PRSS8: variants seen among roughly 807,000 people sequenced by gnomAD.
PRSS8 encodes prostasin.
In PRSS8, 11 loss-of-function variants were observed where a neutral mutation model predicts 26.7. That is an observed-to-expected ratio of 0.41 (90% CI 0.26 to 0.68). The LOEUF (loss-of-function observed/expected upper bound fraction) is 0.68. Ranked by LOEUF, PRSS8 falls within the 30% of genes least tolerant of loss-of-function variation. The pLI is 0.30. For synonymous variants in PRSS8, 183 were observed against 187.0 expected, an observed-to-expected ratio of 0.98 and a Z score of 0.17; for missense variants, 362 against 443.5, an observed-to-expected ratio of 0.82 and a Z score of 1.65.
At chr16:31,135,226 C>CCTA (rs2057599485) in intron 1 of PRSS8, 55 bp from the exon 2 acceptor site, 2 of 1,610,620 alleles carry the variant, frequency 1.2e-6, no homozygotes, top group African/African-American at 1.3e-5. Flanking sequence ...GTTCCCTGAC[C>CCTA]CCTTAGTACC....
Position 31,131,956 on chromosome 16 carries a change from G to T in PRSS8, c.*53C>A. 1 of 1,475,562 alleles carries T rather than the reference G, an allele frequency of 6.8e-7. No homozygotes were observed. Among genetic ancestry groups the T allele is most frequent in the South Asian group, 1.4e-5 (1 of 72,576 alleles). The allele number at this position is 1,475,562 out of a possible 1,614,324, so 91.4% of individuals were successfully genotyped here. A position where few individuals can be genotyped will look rare whatever the true frequency, so the allele number is the denominator to read the frequency against. On this transcript the variant is annotated 3_prime_UTR_variant, in exon 6 of 6. Coordinates refer to ENST00000317508, the MANE Select transcript of PRSS8 (RefSeq NM_002773.5). Reference sequence around the variant, plus strand: ...CTGGGTCCAAAGGCCATCAGGGAAGGACCAGGCTCCTGTCCTTGAGTGTGA... The same window carrying T: ...CTGGGTCCAAAGGCCATCAGGGAAGTACCAGGCTCCTGTCCTTGAGTGTGA...
At position 31,131,639 on chromosome 16, in the gene PRSS8, G is replaced by A. The variant is rs183961459; in HGVS notation, c.*370C>T. 4.7e-6 allele frequency: 2 copies of A among 423,510 alleles called. No homozygotes were observed. The allele number at this position is 423,510 out of a possible 1,614,324, so 26.2% of individuals were successfully genotyped here. On this transcript the variant is annotated 3_prime_UTR_variant, in exon 6 of 6. Transcript: ENST00000317508. ...GCCCAGAACACAGGGAGAGGGCAGA[G>A]AGATGTGCTCATCAGTCTGGGCAGG... is the stretch of plus-strand genomic sequence containing the variant.
At chr16:31,134,731 C>T (rs956992339) in intron 2 of PRSS8, 2 of 215,024 alleles carry the variant, frequency 9.3e-6, no homozygotes, top group Non-Finnish European at 1.9e-5. Flanking sequence ...ATGGCATGCA[C>T]CTGTAGTCCC....
intron 1 of PRSS8, 48 bp from the exon 2 acceptor site, chr16:31,135,219 C>T: frequency 1.2e-6 from 2 of 1,611,950 alleles, no homozygotes; most frequent in Non-Finnish European, 1.7e-6. Flanking sequence ...GACTCGGGTT[C>T]CCTGACCCCT....
rs780066709 is a variant in PRSS8 at position 31,132,476 on chromosome 16, C to T, written c.658G>A (p.Asp220Asn). ...KPEEPHFVQE[D>N]MVCAGYVEGG... ...TCCACATAGCCAGCACACACCATGT[C>T]CTCTTGGACAAAGTGCGGCTCCTCA... The change falls in exon 5 of 6, where the codon GAC (aspartate) becomes AAC (asparagine). Residue 220 changes from aspartate to asparagine, a missense_variant. Coordinates refer to ENST00000317508, the MANE Select transcript of PRSS8 (RefSeq NM_002773.5). The surrounding 1 kb of genome is among the most constrained non-coding windows in gnomAD (Gnocchi z 5.2). The T allele has an allele frequency of 6.2e-7, 1 of 1,614,064 alleles. No homozygotes were observed. The highest frequency in any genetic ancestry group is 2.2e-5 in the East Asian group (1 of 44,886).
Position 31,132,409 on chromosome 16 carries a change from C to T in PRSS8, c.705+20G>A, listed in dbSNP as rs1409110258. The T allele has an allele frequency of 2.5e-6, 4 of 1,613,500 alleles. No individual in the cohort carries two copies. Among genetic ancestry groups the T allele is most frequent in the African/African-American group, 1.3e-5 (1 of 74,922 alleles). On this transcript the variant is annotated intron_variant, in intron 5 of 5. Coordinates refer to ENST00000317508, the MANE Select transcript of PRSS8 (RefSeq NM_002773.5). This position sits in a 1 kb window ranked among gnomAD's most constrained non-coding sequence, Gnocchi z 5.2. ...TTTCCGAAGTTGCACTGGTCATCTG[C>T]CCCCCGGGCCTGTGCTTACCTGGCA...
chr16:31,135,380 A>C (rs202235803), intron 1 of PRSS8, 34 bp downstream of exon 1: 1 of 1,579,574 alleles, frequency 6.3e-7, no homozygotes, highest in African/African-American at 1.4e-5. Context: ...CCTCCAGTGC[A>C]TTGTCCCCAC....
chr16:31,135,608 A>C lies in PRSS8; in HGVS notation c.-110T>G. On this transcript the variant is annotated 5_prime_UTR_variant, in exon 1 of 6. Coordinates refer to ENST00000317508, the MANE Select transcript of PRSS8 (RefSeq NM_002773.5). ...TTGGCTCAGAGGGAAGGATCCCAGA[A>C]TCCGGGCTGGAAAGGGGCAGCAAGT... The C allele has an allele frequency of 2.1e-6, 2 of 974,870 alleles. No homozygotes were observed. Among genetic ancestry groups the C allele is most frequent in the Non-Finnish European group, 3.0e-6 (2 of 666,332 alleles). 60.4% of individuals were successfully genotyped at this position (974,870 alleles called of 1,614,324 possible). A position where few individuals can be genotyped will look rare whatever the true frequency, so the allele number is the denominator to read the frequency against.
chr16:31,135,403 T>C lies in PRSS8; in HGVS notation c.85+11A>G, dbSNP rs1351816617. 1 of 1,589,368 alleles carries C rather than the reference T, an allele frequency of 6.3e-7. No homozygotes were observed. Among genetic ancestry groups the C allele is most frequent in the Non-Finnish European group, 8.6e-7 (1 of 1,168,460 alleles). On this transcript the variant is annotated intron_variant, in intron 1 of 5. Transcript: ENST00000317508. ...GCATTGTCCCCACCCTGCCCCCACG[T>C]CCTCACTTACCTGTCCCCGACCGGA...
chr16:31,132,449 C>G lies in PRSS8; in HGVS notation c.685G>C (p.Gly229Arg). The change falls in exon 5 of 6, where the codon GGG (glycine) becomes CGG (arginine). Residue 229 changes from glycine to arginine, a missense_variant. Coordinates refer to ENST00000317508, the MANE Select transcript of PRSS8 (RefSeq NM_002773.5). This position sits in a 1 kb window ranked among gnomAD's most constrained non-coding sequence, Gnocchi z 5.2. ...CTTACCTGGCAGGCGTCCTTGCCCC[C>G]CTCCACATAGCCAGCACACACCATG... ...EDMVCAGYVEGGKDACQGDSG... is the reference protein window; with the variant it reads ...EDMVCAGYVERGKDACQGDSG... 1 of 1,613,970 alleles carries G rather than the reference C, an allele frequency of 6.2e-7. No individual in the cohort carries two copies. The highest frequency in any genetic ancestry group is 8.5e-7 in the Non-Finnish European group (1 of 1,179,820).
rs1165023685 is a variant in PRSS8, at chr16:31,131,713, T to A, written c.*296A>T. On this transcript the variant is annotated 3_prime_UTR_variant, in exon 6 of 6. Coordinates refer to ENST00000317508, the MANE Select transcript of PRSS8 (RefSeq NM_002773.5). Reference sequence around the variant, plus strand: ...AACAGGTGGGAGCCAGGGCTCATTTTCATAGCCAAGGGTCCCAGGAGCTCC... The same window carrying A: ...AACAGGTGGGAGCCAGGGCTCATTTACATAGCCAAGGGTCCCAGGAGCTCC... 2 of 432,140 alleles carry A rather than the reference T, an allele frequency of 4.6e-6. No individual in the cohort carries two copies. The highest frequency in any genetic ancestry group is 4.0e-5 in the African/African-American group (2 of 50,550). The allele number at this position is 432,140 out of a possible 1,614,324, so 26.8% of individuals were successfully genotyped here. A position where few individuals can be genotyped will look rare whatever the true frequency, so the allele number is the denominator to read the frequency against.
chr16:31,132,644 C>T lies in PRSS8; in HGVS notation c.538+38G>A. ...CCTGGGCCCCTCCCCAAGTCAGGTGCCCCTCCACACCTCTAGGCACCCAGC... is the reference window on the plus strand; with the variant it reads ...CCTGGGCCCCTCCCCAAGTCAGGTGTCCCTCCACACCTCTAGGCACCCAGC... On this transcript the variant is annotated intron_variant, in intron 4 of 5. Transcript: ENST00000317508. This position sits in a 1 kb window ranked among gnomAD's most constrained non-coding sequence, Gnocchi z 5.2. The T allele has an allele frequency of 1.2e-6, 2 of 1,612,822 alleles. No individual in the cohort carries two copies. The highest frequency in any genetic ancestry group is 2.2e-5 in the South Asian group (2 of 91,024).
At chr16:31,134,931 G>A (rs969604852) in intron 2 of PRSS8, 2 of 595,598 alleles carry the variant, frequency 3.4e-6, no homozygotes, top group South Asian at 2.1e-5. Context: ...TTGGGAGTCA[G>A]ACGTGGATCT....
chr16:31,135,690 C>G lies in PRSS8; in HGVS notation c.-192G>C. ...CCGCAACGGGAGACGCCTGGAGTAT[C>G]CGAAGCGAGCAGTGTGGACGAGTCA... On this transcript the variant is annotated 5_prime_UTR_variant, in exon 1 of 6. Transcript: ENST00000317508. The G allele has an allele frequency of 1.7e-6, 1 of 584,926 alleles. No individual in the cohort carries two copies. The highest frequency in any genetic ancestry group is 3.0e-6 in the Non-Finnish European group (1 of 331,240). The allele number at this position is 584,926 out of a possible 1,614,324, so 36.2% of individuals were successfully genotyped here.
chr16:31,133,499 T>C lies in PRSS8; in HGVS notation c.104-111A>G. 1 of 1,342,846 alleles carries C rather than the reference T, an allele frequency of 7.4e-7. No homozygotes were observed. The highest frequency in any genetic ancestry group is 1.0e-6 in the Non-Finnish European group (1 of 988,128). The allele number at this position is 1,342,846 out of a possible 1,614,324, so 83.2% of individuals were successfully genotyped here. On this transcript the variant is annotated intron_variant, in intron 2 of 5. Transcript: ENST00000317508. The surrounding 1 kb of genome is among the most constrained non-coding windows in gnomAD (Gnocchi z 4.7). ...TGGGTTCACAGGAGTCAACACCCCT[T>C]TGTCCCCTCCCAGGCATGGGCAGTT...
intron 2 of PRSS8, chr16:31,134,746 A>T (rs1596831365): frequency 4.4e-6 from 1 of 228,998 alleles, no homozygotes; most frequent in Non-Finnish European, 8.7e-6. Flanking sequence ...AGTCCCAGCC[A>T]CTAGGGAGGC....
rs1421738814 is a variant in PRSS8 at position 31,133,420 on chromosome 16, G to A, written c.104-32C>T. On this transcript the variant is annotated intron_variant, in intron 2 of 5. Coordinates refer to ENST00000317508, the MANE Select transcript of PRSS8 (RefSeq NM_002773.5). The surrounding 1 kb of genome is among the most constrained non-coding windows in gnomAD (Gnocchi z 4.7). ...AGGGAGGAAGGGAAGGGGTCAGGTT[G>A]TTAGCCTGGCCACTCCTATGCAGCC... The A allele has an allele frequency of 6.2e-7, 1 of 1,610,862 alleles. No individual in the cohort carries two copies. Among genetic ancestry groups the A allele is most frequent in the East Asian group, 2.2e-5 (1 of 44,848 alleles).
At position 31,133,976 on chromosome 16, in the gene PRSS8, C is replaced by T. The variant is rs182120959; in HGVS notation, c.104-588G>A. 242 of 162,998 alleles carry T rather than the reference C, an allele frequency of 1.5e-3. No homozygotes were observed. Among genetic ancestry groups the T allele is most frequent in the African/African-American group, 5.7e-3 (237 of 41,738 alleles). 10.1% of individuals were successfully genotyped at this position (162,998 alleles called of 1,614,324 possible). A position where few individuals can be genotyped will look rare whatever the true frequency, so the allele number is the denominator to read the frequency against. ...ACCCCCCAACCTCCACCATGCTCCC[C>T]GATGCTGCCCAGTCTCACAATTGTT... is the stretch of plus-strand genomic sequence containing the variant. On this transcript the variant is annotated intron_variant, in intron 2 of 5. Transcript: ENST00000317508. This position sits in a 1 kb window ranked among gnomAD's most constrained non-coding sequence, Gnocchi z 4.7.
chr16:31,135,330 C>T (rs944850317), intron 1 of PRSS8, 84 bp downstream of exon 1: 19 of 1,577,284 alleles, frequency 1.2e-5, no homozygotes, highest in Non-Finnish European at 1.5e-5. Context: ...TTCTTGGGCC[C>T]CAGACAAGGG....
Sources: allele counts gnomAD v4.1 joint callset, GRCh38; gene constraint gnomAD v4.1.1; non-coding constraint Gnocchi (gnomAD v3.1); transcripts MANE v1.5; gene names NCBI Gene and HGNC (gene_info 2026-07-23, HGNC 2026-07-21).